The following MGAT5 variants were observed in gnomAD, a reference collection of about 807,000 sequenced individuals.
MGAT5 encodes the protein alpha-1,6-mannosylglycoprotein 6-beta-N-acetylglucosaminyltransferase A.
Under a neutral mutation model 94.3 loss-of-function variants are expected in MGAT5, and 30 were observed. That is an observed-to-expected ratio of 0.32 (90% CI 0.24 to 0.43). The LOEUF is 0.43. Among genes scored for constraint, MGAT5 ranks in the 20% least tolerant of loss-of-function variants. MGAT5 has a pLI of 1.00. For missense variants in MGAT5, 691 were observed against 905.5 expected, an observed-to-expected ratio of 0.76 and a Z score of 3.04; for synonymous variants, 310 against 322.9, an observed-to-expected ratio of 0.96 and a Z score of 0.43.
intron 2 of MGAT5, 25 bp downstream of exon 2, chr2:134,270,575 G>A (rs772488793): frequency 6.2e-7 from 1 of 1,612,416 alleles, no homozygotes; most frequent in South Asian, 1.1e-5. Context: ...TCTCTGCCCT[G>A]ATATGGAGTC....
Position 134,370,601 on chromosome 2 carries a change from T to C in MGAT5, c.1380+8193T>C, listed in dbSNP as rs536448356. Among the ~76,000 whole-genome samples, 10 of 152,212 alleles carry C rather than the reference T, an allele frequency of 6.6e-5. No homozygotes were observed. In the South Asian group the frequency reaches 2.1e-3, roughly 32 times the overall value. On this transcript the variant is annotated intron_variant, in intron 10 of 15. Coordinates refer to ENST00000281923, the MANE Select transcript of MGAT5 (RefSeq NM_002410.5). ...GGCGCTTGCCAGAGGCAGGGAGGAG[T>C]GTAGGCATCAGTGGAGATGGTGAGC...
In MGAT5 at chr2:134,197,440, C is replaced by T. The variant is rs75468802; in HGVS notation, c.-142-56822C>T. On this transcript the variant is annotated intron_variant, in intron 1 of 16. Coordinates refer to the MGAT5 transcript ENST00000409645. Reference sequence around the variant, plus strand: ...ACATTGAGTGACTGGAAAAGCAAAGCTTGTATTTTCAGGTGGATCTAGCAC... The same window carrying T: ...ACATTGAGTGACTGGAAAAGCAAAGTTTGTATTTTCAGGTGGATCTAGCAC... Among the ~76,000 whole-genome samples, 87 of 152,290 alleles carry T rather than the reference C, an allele frequency of 5.7e-4. 1 individual carries two copies. Among genetic ancestry groups the T allele is most frequent in the African/African-American group, 2.1e-3 (86 of 41,538 alleles).
intron 6 of MGAT5, 56 bp downstream of exon 6, chr2:134,338,476 T>C: frequency 1.3e-6 from 2 of 1,525,844 alleles, no homozygotes; most frequent in Non-Finnish European, 1.8e-6. Context: ...TAAAATTTGA[T>C]TTTGCTTGGA....
chr2:134,266,951 A>G (rs1683755111), intron 1 of MGAT5, among the ~76,000 whole-genome samples: 3 of 152,224 alleles, frequency 2.0e-5, no homozygotes, highest in Non-Finnish European at 4.4e-5. Flanking sequence ...AGATAAAGAA[A>G]GAGTCTTAAT....
chr2:134,418,892 G>A (rs181491951), intron 12 of MGAT5, among the ~76,000 whole-genome samples: 1 of 152,206 alleles, frequency 6.6e-6, no homozygotes, highest in African/African-American at 2.4e-5. Flanking sequence ...GGACCAGCGA[G>A]CTTGATCTCA....
At chr2:134,235,389 T>A (rs149979234) in intron 1 of MGAT5, among the ~76,000 whole-genome samples, 2 of 152,284 alleles carry the variant, frequency 1.3e-5, no homozygotes, top group East Asian at 3.9e-4. Context: ...TGGGGAGGGC[T>A]ACCATTTGTA....
In MGAT5 at chr2:134,441,906, A is replaced by T. The variant is rs768148124; in HGVS notation, c.2018A>T (p.Asp673Val). Residue 673 changes from aspartate (D) to valine (V), a missense_variant, in exon 15 of 16, where the codon GAC becomes GTC. Asp to Val is a radical substitution (Grantham distance 152). Transcript: ENST00000281923. ...TTCCAGCACCTCAACAAGGACAAGG[A>T]CATGCTGAAGTAAGTGCCCTGGGGT... ...SFFQHLNKDKDMLKYKVTCQS... is the reference protein window; with the variant it reads ...SFFQHLNKDKVMLKYKVTCQS... 6.2e-7 allele frequency: 1 copy of T among 1,613,712 alleles called. No individual in the cohort carries two copies. Among genetic ancestry groups the T allele is most frequent in the Admixed American group, 1.7e-5 (1 of 59,994 alleles).
At chr2:134,376,954 T>G (rs994199689) in intron 10 of MGAT5, among the ~76,000 whole-genome samples, 1 of 152,140 alleles carries the variant, frequency 6.6e-6, no homozygotes, top group African/African-American at 2.4e-5. Flanking sequence ...CCCAGATCCT[T>G]TCACCTACCT....
intron 1 of MGAT5, among the ~76,000 whole-genome samples, chr2:134,245,244 C>T (rs539579155): frequency 6.4e-4 from 98 of 152,220 alleles, no homozygotes; most frequent in Non-Finnish European, 1.1e-3. Context: ...GACCTCCCAA[C>T]CTCGTGATCC....
chr2:134,362,167 G>A lies in MGAT5; in HGVS notation c.1247-108G>A. On this transcript the variant is annotated intron_variant, in intron 9 of 15. Transcript: ENST00000281923. ...CAGGTAAGAAAGAACAGGGTAAGAT[G>A]AAAACAAACATTTTGTTATGGGTAA... 10 of 1,366,520 alleles carry A rather than the reference G, an allele frequency of 7.3e-6. No individual in the cohort carries two copies. The South Asian group carries it at 1.4e-4, about 19-fold the overall frequency. 84.6% of individuals were successfully genotyped at this position (1,366,520 alleles called of 1,614,324 possible). A position where few individuals can be genotyped will look rare whatever the true frequency, so the allele number is the denominator to read the frequency against.
At chr2:134,300,138 G>C (rs1335564015) in intron 2 of MGAT5, among the ~76,000 whole-genome samples, 2 of 152,084 alleles carry the variant, frequency 1.3e-5, no homozygotes, top group East Asian at 1.9e-4. Context: ...ACCATTCTCT[G>C]ACCCTTGGGT....
intron 1 of MGAT5, among the ~76,000 whole-genome samples, chr2:134,227,122 T>G (rs545287172): frequency 6.6e-6 from 1 of 152,292 alleles, no homozygotes; most frequent in African/African-American, 2.4e-5. Context: ...GTAACTGGTG[T>G]TGTGTTCTCT....
At chr2:134,178,351 A>T (rs1184884280) in intron 1 of MGAT5, among the ~76,000 whole-genome samples, 1 of 152,192 alleles carries the variant, frequency 6.6e-6, no homozygotes, top group Non-Finnish European at 1.5e-5. Flanking sequence ...TAACCTCAGG[A>T]AGATGTCCAC....
At chr2:134,233,840 A>G (rs772959335) in intron 1 of MGAT5, among the ~76,000 whole-genome samples, 22 of 152,218 alleles carry the variant, frequency 1.4e-4, no homozygotes, top group Non-Finnish European at 2.6e-4. Context: ...TTTTAATCTG[A>G]ATCTAATTCC....
At chr2:134,228,483 C>A (rs1460370427) in intron 1 of MGAT5, among the ~76,000 whole-genome samples, 1 of 152,214 alleles carries the variant, frequency 6.6e-6, no homozygotes, top group East Asian at 1.9e-4. Flanking sequence ...GACTCTAGTA[C>A]AAATGCCATT....
intron 10 of MGAT5, among the ~76,000 whole-genome samples, chr2:134,364,441 A>G (rs991857821): frequency 6.6e-6 from 1 of 152,144 alleles, no homozygotes; most frequent in Admixed American, 6.5e-5. Context: ...CGGATGTTGC[A>G]GTGAGCTGAG....
At chr2:134,327,996 G>A (rs1426564613) in intron 4 of MGAT5, among the ~76,000 whole-genome samples, 1 of 152,120 alleles carries the variant, frequency 6.6e-6, no homozygotes, top group African/African-American at 2.4e-5. Context: ...CATCCAGTGG[G>A]AGCTGTGCCT....
At chr2:134,381,406 A>ATAGATAGATAGATAGATAAGATAGAT (rs1681591553) in intron 10 of MGAT5, among the ~76,000 whole-genome samples, 1 of 116,464 alleles carries the variant, frequency 8.6e-6, no homozygotes, top group Non-Finnish European at 1.9e-5. Context: ...AGATAGATAG[A>ATAGATAGATAGATAGATAAGATAGAT]TAGATAGATA....
intron 11 of MGAT5, among the ~76,000 whole-genome samples, chr2:134,406,962 C>T (rs1427370457): frequency 6.6e-6 from 1 of 152,078 alleles, no homozygotes; most frequent in Non-Finnish European, 1.5e-5. Flanking sequence ...GGGCAGAGGG[C>T]CTTTGCTTGT....
Sources: gnomAD v4.1 joint callset for allele counts (sites outside exome capture counted in the v4.1 genomes callset) on GRCh38, gnomAD v4.1.1 for gene constraint, MANE v1.5 for transcripts, NCBI Gene and HGNC (gene_info 2026-07-23, HGNC 2026-07-21) for gene names.